The following FBXL20 variants were observed in gnomAD, a reference collection of about 807,000 sequenced individuals.
The protein encoded by FBXL20 is F-box/LRR-repeat protein 20.
FBXL20 carries 11 observed loss-of-function variants against 64.0 expected under a neutral mutation model. The ratio of observed to expected loss-of-function variants is 0.17; its 90% CI spans 0.11 to 0.28. The LOEUF (loss-of-function observed/expected upper bound fraction) is 0.28. Ranked by LOEUF, FBXL20 falls within the 10% of genes least tolerant of loss-of-function variation. The pLI is 1.00. For synonymous variants in FBXL20, 184 were observed against 189.0 expected (o/e 0.97, Z 0.22); for missense variants, 303 against 526.2 (o/e 0.58, Z 4.15).
At chr17:39,402,352 C>G, upstream of FBXL20, 4 of 586,316 alleles carry the variant, frequency 6.8e-6, no homozygotes, top group Non-Finnish European at 1.0e-5. Flanking sequence ...GCAGGGAGGC[C>G]TGGGGGGCCG....
intron 2 of FBXL20, among the ~76,000 whole-genome samples, chr17:39,315,251 T>G (rs1434649219): frequency 6.6e-6 from 1 of 152,050 alleles, no homozygotes; most frequent in South Asian, 2.1e-4. Flanking sequence ...TGGTACCCCA[T>G]TGTTGTTATG....
At chr17:39,307,974 A>G (rs994006634) in intron 2 of FBXL20, among the ~76,000 whole-genome samples, 1 of 151,622 alleles carries the variant, frequency 6.6e-6, no homozygotes, top group Non-Finnish European at 1.5e-5. Flanking sequence ...TCATTTCAAA[A>G]AAAAAAAAAA....
At chr17:39,330,588 C>T (rs2047451169) in intron 2 of FBXL20, among the ~76,000 whole-genome samples, 1 of 152,130 alleles carries the variant, frequency 6.6e-6, no homozygotes, top group South Asian at 2.1e-4. Context: ...ACACTCCAGT[C>T]TGGGTGACAG....
intron 1 of FBXL20, among the ~76,000 whole-genome samples, chr17:39,387,425 G>A (rs1314558341): frequency 1.3e-5 from 2 of 151,652 alleles, no homozygotes; most frequent in East Asian, 1.9e-4. Flanking sequence ...GATTACAGGC[G>A]CCTGCCACCA....
intron 2 of FBXL20, among the ~76,000 whole-genome samples, chr17:39,334,336 A>G (rs1286182375): frequency 6.6e-6 from 1 of 152,162 alleles, no homozygotes; most frequent in African/African-American, 2.4e-5. Flanking sequence ...ACACTGCGGA[A>G]GGCAGCAGGG....
intron 2 of FBXL20, among the ~76,000 whole-genome samples, chr17:39,314,325 G>A (rs1432141602): frequency 6.6e-6 from 1 of 152,056 alleles, no homozygotes; most frequent in Non-Finnish European, 1.5e-5. Flanking sequence ...GGACAATTGG[G>A]TTATTTTAAC....
At chr17:39,324,505 G>A (rs569376442) in intron 2 of FBXL20, among the ~76,000 whole-genome samples, 1 of 152,014 alleles carries the variant, frequency 6.6e-6, no homozygotes, top group Non-Finnish European at 1.5e-5. Flanking sequence ...GGCCAGGCTG[G>A]TCTCGAACTC....
At chr17:39,312,510 A>G (rs192731218) in intron 2 of FBXL20, among the ~76,000 whole-genome samples, 90 of 133,574 alleles carry the variant, frequency 6.7e-4, no homozygotes, top group South Asian at 5.1e-4. Flanking sequence ...CCCTTCTACC[A>G]CTCTACATCT....
At chr17:39,335,520 T>C (rs754746819) in intron 2 of FBXL20, among the ~76,000 whole-genome samples, 60 of 145,936 alleles carry the variant, frequency 4.1e-4, no homozygotes, top group Non-Finnish European at 8.2e-4. Flanking sequence ...GAGGCGGAGG[T>C]TGCAGTGAGC....
chr17:39,328,361 G>C (rs1268215230), intron 2 of FBXL20, among the ~76,000 whole-genome samples: 6 of 151,318 alleles, frequency 4.0e-5, no homozygotes, highest in Admixed American at 3.9e-4. Context: ...ACTGAATCAA[G>C]GGAGGTGTAA....
intron 6 of FBXL20, among the ~76,000 whole-genome samples, chr17:39,291,276 A>G (rs2047035947): frequency 6.6e-6 from 1 of 151,010 alleles, no homozygotes; most frequent in Non-Finnish European, 1.5e-5. Context: ...TTTTTATTTC[A>G]TGGATTTCCA....
chr17:39,319,041 G>C (rs1159242094), intron 2 of FBXL20, among the ~76,000 whole-genome samples: 5 of 151,958 alleles, frequency 3.3e-5, no homozygotes, highest in Admixed American at 1.3e-4. Flanking sequence ...ACGTGGTCAG[G>C]AGATTGAGAC....
At chr17:39,381,563 G>A (rs947432778) in intron 1 of FBXL20, among the ~76,000 whole-genome samples, 18 of 151,002 alleles carry the variant, frequency 1.2e-4, no homozygotes, top group Non-Finnish European at 2.4e-4. Flanking sequence ...GGCCGAAGCA[G>A]GCAGATAACT....
At chr17:39,338,038 A>C (rs1597806396) in intron 2 of FBXL20, among the ~76,000 whole-genome samples, 1 of 152,142 alleles carries the variant, frequency 6.6e-6, no homozygotes, top group South Asian at 2.1e-4. Flanking sequence ...TGGGAGCTGT[A>C]CCCAACAGCT....
chr17:39,316,553 C>T (rs1311599632), intron 2 of FBXL20, among the ~76,000 whole-genome samples: 2 of 152,176 alleles, frequency 1.3e-5, no homozygotes, highest in African/African-American at 4.8e-5. Flanking sequence ...TCATGGTAAC[C>T]AGCTTGAAGG....
chr17:39,268,473 T>C (rs1010432223), intron 12 of FBXL20, among the ~76,000 whole-genome samples: 4 of 152,208 alleles, frequency 2.6e-5, no homozygotes, highest in Admixed American at 2.6e-4. Flanking sequence ...GGATCTAGGA[T>C]ACAGCAAAGC....
chr17:39,265,686 A>ATT (rs111908860), intron 12 of FBXL20, among the ~76,000 whole-genome samples: 15 of 145,236 alleles, frequency 1.0e-4, no homozygotes, highest in Non-Finnish European at 1.5e-4. Context: ...AAATTAAAAA[A>ATT]ATTTTTTTTT....
intron 2 of FBXL20, among the ~76,000 whole-genome samples, chr17:39,322,583 G>C (rs1026364796): frequency 6.6e-6 from 1 of 152,096 alleles, no homozygotes; most frequent in Non-Finnish European, 1.5e-5. Flanking sequence ...ATTCTCATGA[G>C]TAGAATACTC....
chr17:39,362,783 G>GT (rs1567896531), intron 1 of FBXL20, among the ~76,000 whole-genome samples: 1 of 147,722 alleles, frequency 6.8e-6, no homozygotes, highest in African/African-American at 2.5e-5. Context: ...CACCCAGCTA[G>GT]TTTTTTTGTA....
Sources: allele counts gnomAD v4.1 joint callset (sites outside exome capture counted in the v4.1 genomes callset), GRCh38; gene constraint gnomAD v4.1.1; transcripts MANE v1.5; gene names NCBI Gene and HGNC (gene_info 2026-07-23, HGNC 2026-07-21).